The following CLIC5 variants were observed in gnomAD, a reference collection of about 807,000 sequenced individuals.
The protein encoded by CLIC5 is chloride intracellular channel protein 5.
CLIC5 carries 20 observed loss-of-function variants against 24.7 expected under a neutral mutation model. That is an observed-to-expected ratio of 0.81 (90% confidence interval 0.57 to 1.18). CLIC5 has a LOEUF of 1.18. Ranked by LOEUF, CLIC5 falls within the 50% of genes most tolerant of loss-of-function variation. CLIC5 has a pLI of 0.00. For synonymous variants in CLIC5, 159 were observed against 135.6 expected (o/e 1.17, Z -1.20); for missense variants, 341 against 326.1 (o/e 1.05, Z -0.35).
At chr6:46,010,543 T>C (rs1766769153) in intron 1 of CLIC5, among the ~76,000 whole-genome samples, 1 of 152,198 alleles carries the variant, frequency 6.6e-6, no homozygotes, top group South Asian at 2.1e-4. Context: ...GAGAAGTTTT[T>C]GACCTAACTG....
chr6:45,985,574 CTGCT>C (rs1765706150), intron 1 of CLIC5, among the ~76,000 whole-genome samples: 1 of 152,040 alleles, frequency 6.6e-6, no homozygotes, highest in African/African-American at 2.4e-5. Context: ...CCTCACCACT[CTGCT>C]TGGGGCCTGG....
chr6:46,129,030 T>C, the CLIC5 span, among the ~76,000 whole-genome samples: 2 of 152,200 alleles, frequency 1.3e-5, no homozygotes, highest in African/African-American at 4.8e-5. Flanking sequence ...AGGTACTGGA[T>C]TTACAGCTAT....
chr6:46,057,081 C>T (rs755767947), intron 1 of CLIC5, among the ~76,000 whole-genome samples: 53 of 152,172 alleles, frequency 3.5e-4, no homozygotes, highest in South Asian at 2.1e-4. Flanking sequence ...TTGATTCAGA[C>T]GCTTATCATC....
At chr6:46,080,110 C>T (rs1762886433) in exon 1 of CLIC5, 1 of 1,551,594 alleles carries the variant, frequency 6.4e-7, no homozygotes, top group African/African-American at 1.4e-5. Context: ...GCATATAAAT[C>T]ATTTTCTGGC....
At chr6:45,892,764 G>A (rs1055539729) in intron 6 of CLIC5, among the ~76,000 whole-genome samples, 3 of 152,008 alleles carry the variant, frequency 2.0e-5, no homozygotes, top group Admixed American at 1.3e-4. Context: ...TCATCTTTAC[G>A]AGGTAAAGGA....
chr6:46,046,727 C>T (rs556344938), intron 1 of CLIC5, among the ~76,000 whole-genome samples: 10 of 152,296 alleles, frequency 6.6e-5, no homozygotes, highest in South Asian at 6.2e-4. Context: ...CCTGTGTCAG[C>T]GAAGTCTAAC....
chr6:45,955,167 G>A lies in CLIC5; in HGVS notation c.141C>T (p.Val47=), dbSNP rs776328726. Residue 47 remains valine, a synonymous_variant, in exon 2 of 6, where the codon GTC becomes GTT. Transcript: ENST00000339561. ...RLFMILWLKG[V]VFNVTTVDLK... is the part of the protein sequence containing the mutation. ...GATCCACAGTGGTGACATTGAACAC[G>A]ACTCCTTTCAGCCAGAGGATCATGA... The A allele has an allele frequency of 3.7e-6, 6 of 1,613,758 alleles. No individual in the cohort carries two copies. Among genetic ancestry groups the A allele is most frequent in the African/African-American group, 1.3e-5 (1 of 75,038 alleles).
intron 3 of CLIC5, among the ~76,000 whole-genome samples, chr6:45,947,192 T>C (rs1395249555): frequency 6.6e-6 from 1 of 152,230 alleles, no homozygotes; most frequent in African/African-American, 2.4e-5. Context: ...CAGTGATCTC[T>C]GTCCACCTTG....
intron 1 of CLIC5, among the ~76,000 whole-genome samples, chr6:46,053,693 A>G (rs1350992623): frequency 1.3e-5 from 2 of 152,178 alleles, no homozygotes; most frequent in Non-Finnish European, 2.9e-5. Flanking sequence ...GCTTCTTAGC[A>G]AACTATTTCC....
chr6:45,969,796 G>GTTT (rs397779323), intron 1 of CLIC5, among the ~76,000 whole-genome samples: 32 of 105,290 alleles, frequency 3.0e-4, no homozygotes, highest in African/African-American at 4.4e-4. Flanking sequence ...TCACATCAAG[G>GTTT]TTTTTTTTTT....
chr6:45,970,360 C>A (rs1019162072), intron 1 of CLIC5, among the ~76,000 whole-genome samples: 1 of 152,010 alleles, frequency 6.6e-6, no homozygotes, highest in Non-Finnish European at 1.5e-5. Flanking sequence ...GTTTTCTCAG[C>A]CTTGAAAAAA....
intron 5 of CLIC5, among the ~76,000 whole-genome samples, chr6:45,905,695 G>A (rs1762641994): frequency 6.6e-6 from 1 of 152,056 alleles, no homozygotes; most frequent in Admixed American, 6.6e-5. Flanking sequence ...TCACTCTGTT[G>A]ATAGTTTCTA....
At position 46,064,944 on chromosome 6, in the gene CLIC5, G is replaced by A. The variant is rs544698437; in HGVS notation, c.540+14759C>T. Among the ~76,000 whole-genome samples the A allele has an allele frequency of 3.3e-3, 428 of 130,686 alleles. 1 individual carries two copies. The highest frequency in any genetic ancestry group is 0.012 in the Middle Eastern group (3 of 248). 85.7% of individuals were successfully genotyped at this position (130,686 alleles called of 152,430 possible). A position where few individuals can be genotyped will look rare whatever the true frequency, so the allele number is the denominator to read the frequency against. Reference sequence around the variant, plus strand: ...AAAGAATTGATAAATGGGTTTCACCGAAACAAAAAAGATCTGCTCTTCAAA... The same window carrying A: ...AAAGAATTGATAAATGGGTTTCACCAAAACAAAAAAGATCTGCTCTTCAAA... On this transcript the variant is annotated intron_variant, in intron 1 of 5. Transcript: ENST00000185206.
intron 1 of CLIC5, among the ~76,000 whole-genome samples, chr6:46,012,041 C>G (rs561688357): frequency 1.3e-5 from 2 of 152,286 alleles, no homozygotes; most frequent in South Asian, 2.1e-4. Context: ...CCATGGAATC[C>G]TCACAGCAAA....
intron 1 of CLIC5, among the ~76,000 whole-genome samples, chr6:45,963,180 T>C (rs1764906849): frequency 1.3e-5 from 2 of 152,208 alleles, no homozygotes. Flanking sequence ...ATCAATTCTT[T>C]TTTTTTTCCT....
chr6:45,885,925 C>G (rs995588478), intron 6 of CLIC5, among the ~76,000 whole-genome samples: 2 of 152,160 alleles, frequency 1.3e-5, no homozygotes, highest in Non-Finnish European at 2.9e-5. Context: ...ATATGAGCTC[C>G]CCATCCAGAG....
intron 5 of CLIC5, among the ~76,000 whole-genome samples, chr6:45,908,907 A>G (rs1436996214): frequency 6.6e-6 from 1 of 152,160 alleles, no homozygotes; most frequent in East Asian, 1.9e-4. Context: ...GTTGTTGCTA[A>G]GTCTTTTCAT....
Position 46,012,730 on chromosome 6 carries a change from A to T in CLIC5, c.63+2750T>A, listed in dbSNP as rs1008068043. On this transcript the variant is annotated intron_variant, in intron 1 of 5. Coordinates refer to ENST00000339561, the MANE Select transcript of CLIC5 (RefSeq NM_016929.5). ...CATTTTACCTACTTTCTGTGAGCACATGTATTGTTCAACAGAACAGGAGGA... is the reference window on the plus strand; with the variant it reads ...CATTTTACCTACTTTCTGTGAGCACTTGTATTGTTCAACAGAACAGGAGGA... Among the ~76,000 whole-genome samples, 8 of 152,332 alleles carry T rather than the reference A, an allele frequency of 5.3e-5. No homozygotes were observed. The East Asian group carries it at 1.5e-3, about 29-fold the overall frequency.
At chr6:46,075,712 T>C (rs932799596) in intron 1 of CLIC5, among the ~76,000 whole-genome samples, 4 of 152,216 alleles carry the variant, frequency 2.6e-5, no homozygotes, top group African/African-American at 7.2e-5. Context: ...ATTATCAGAA[T>C]ACTTTCTTCC....
Sources: allele counts gnomAD v4.1 joint callset (sites outside exome capture counted in the v4.1 genomes callset), GRCh38; gene constraint gnomAD v4.1.1; transcripts MANE v1.5; gene names NCBI Gene and HGNC (gene_info 2026-07-23, HGNC 2026-07-21).